The following PNN variants were observed in gnomAD, a reference collection of about 807,000 sequenced individuals.
The protein encoded by PNN is pinin.
A neutral mutation model predicts 76.6 loss-of-function variants in PNN; 38 were observed. That is an observed-to-expected ratio of 0.50 (90% CI 0.38 to 0.65). PNN has a LOEUF of 0.65. Among genes scored for constraint, PNN ranks in the 30% least tolerant of loss-of-function variants. The pLI is 0.00. For missense variants in PNN, 873 were observed against 874.1 expected (o/e 1.00, Z 0.02); for synonymous variants, 366 against 283.7 (o/e 1.29, Z -2.91).
rs1370517742 is a variant in PNN at position 39,181,740 on chromosome 14, A to T, written c.2031A>T (p.Gly677=). Residue 677 remains glycine (G), a synonymous_variant, in exon 9 of 9, where the codon GGA becomes GGT. Coordinates refer to ENST00000216832, the MANE Select transcript of PNN (RefSeq NM_002687.4). The part of the protein sequence containing the change: ...SKGGSSRDTK[G]SKDKNSRSDR... ...GTGGTAGTAGTAGAGATACAAAAGGATCAAAGGATAAGAATTCCCGGTCCG... is the reference window on the plus strand; with the variant it reads ...GTGGTAGTAGTAGAGATACAAAAGGTTCAAAGGATAAGAATTCCCGGTCCG... 2 of 1,614,186 alleles carry T rather than the reference A, an allele frequency of 1.2e-6. No individual in the cohort carries two copies. Among genetic ancestry groups the T allele is most frequent in the Admixed American group, 3.3e-5 (2 of 60,024 alleles).
Position 39,181,243 on chromosome 14 carries a change from C to T in PNN, c.1534C>T (p.Pro512Ser), listed in dbSNP as rs1339405874. Residue 512 changes from proline to serine, a missense_variant, in exon 9 of 9, where the codon CCA becomes TCA. Coordinates refer to ENST00000216832, the MANE Select transcript of PNN (RefSeq NM_002687.4). ...GGATTTGTCATTAGCTGTTTTACAGCCAACACCCCAAGTTACTCAGGAGCA... is the reference window on the plus strand; with the variant it reads ...GGATTTGTCATTAGCTGTTTTACAGTCAACACCCCAAGTTACTCAGGAGCA... ...PEDLSLAVLQ[P>S]TPQVTQEQGH... The T allele has an allele frequency of 4.3e-6, 7 of 1,613,952 alleles. No homozygotes were observed. The African/African-American group carries it at 6.7e-5, about 15-fold the overall frequency.
At chr14:39,179,013 A>G in intron 6 of PNN, 78 bp from the exon 7 acceptor site, 1 of 1,348,076 alleles carries the variant, frequency 7.4e-7, no homozygotes, top group Non-Finnish European at 1.0e-6. Flanking sequence ...TTTTATCATA[A>G]TTGAACTGAA....
intron 2 of PNN, 56 bp downstream of exon 2, chr14:39,176,205 T>G (rs1475219045): frequency 2.0e-6 from 2 of 1,016,442 alleles, no homozygotes; most frequent in Non-Finnish European, 3.1e-6. Flanking sequence ...TTACTAAATA[T>G]GTTGGTTTGA....
Position 39,181,570 on chromosome 14 carries a change from A to G in PNN, c.1861A>G (p.Ser621Gly). ...TACAAGTGGCAGCAGCAGCAGAGAT[A>G]GTAGCAGTAGCACTAGTAGTAGTAG... ...SSTSGSSSRD[S>G]SSSTSSSSES... Residue 621 changes from serine (S) to glycine (G), a missense_variant, in exon 9 of 9, where the codon AGT becomes GGT. By Grantham distance (56) the Ser-to-Gly change is moderately conservative. Coordinates refer to ENST00000216832, the MANE Select transcript of PNN (RefSeq NM_002687.4). The G allele has an allele frequency of 6.2e-7, 1 of 1,613,160 alleles. No individual in the cohort carries two copies. The highest frequency in any genetic ancestry group is 1.1e-5 in the South Asian group (1 of 91,030).
In PNN at chr14:39,181,583, CTAGTAG is replaced by C; in HGVS notation, c.1882_1887del (p.Ser628_Ser629del). On this transcript the variant is annotated inframe_deletion, in exon 9 of 9. Transcript: ENST00000216832. ...AGCAGCAGAGATAGTAGCAGTAGCA[CTAGTAG>C]TAGTAGTGAGAGTAGAAGTCGGAGT... 7 of 1,613,382 alleles carry C rather than the reference CTAGTAG, an allele frequency of 4.3e-6. No homozygotes were observed. The highest frequency in any genetic ancestry group is 1.3e-5 in the African/African-American group (1 of 74,932).
chr14:39,181,630 A>C lies in PNN; in HGVS notation c.1921A>C (p.Asn641His). 1 of 1,614,158 alleles carries C rather than the reference A, an allele frequency of 6.2e-7. No individual in the cohort carries two copies. The highest frequency in any genetic ancestry group is 8.5e-7 in the Non-Finnish European group (1 of 1,180,016). Residue 641 changes from asparagine to histidine, a missense_variant, in exon 9 of 9, where the codon AAT (asparagine) becomes CAT (histidine). Asn to His is a moderately conservative substitution (Grantham distance 68). Around this residue, in one of 3 missense-constraint regions of PNN, gnomAD observed 712 missense variants for 693.1 expected, o/e 1.03. Transcript: ENST00000216832. ...AAGTCGGAGTAGGGGCCGGGGACAT[A>C]ATAGAGATAGAAAGCACAGAAGGAG... is the stretch of plus-strand genomic sequence containing the variant. ...SRSRSRGRGH[N>H]RDRKHRRSVD...
chr14:39,181,186 G>A lies in PNN; in HGVS notation c.1477G>A (p.Val493Ile). ...TCAGCTTCAATCCCAGTCCCAACCA[G>A]TACTCCAGTCCCAGCCTCCCTCTCA... ...QLQLQSQSQPVLQSQPPSQPE... is the reference protein window; with the variant it reads ...QLQLQSQSQPILQSQPPSQPE... Residue 493 changes from valine to isoleucine, a missense_variant, in exon 9 of 9, where the codon GTA becomes ATA. Val to Ile is a conservative substitution (Grantham distance 29). Transcript: ENST00000216832. 8 of 1,609,446 alleles carry A rather than the reference G, an allele frequency of 5.0e-6. No homozygotes were observed. Among genetic ancestry groups the A allele is most frequent in the Non-Finnish European group, 6.8e-6 (8 of 1,175,806 alleles).
chr14:39,178,432 G>A (rs576833371), intron 6 of PNN, among the ~76,000 whole-genome samples: 3 of 152,126 alleles, frequency 2.0e-5, no homozygotes, highest in African/African-American at 4.8e-5. Flanking sequence ...TTTGGGAGGC[G>A]GAGGCAAGAG....
Position 39,181,465 on chromosome 14 carries a change from A to C in PNN, c.1756A>C (p.Ser586Arg), listed in dbSNP as rs755558377. ...CAGTAGCAGTAGCAGTTCTAGTAGC[A>C]GTTCAACCAGTAGCAGCAGTGGAAG... The part of the protein sequence containing the change: ...RSSSSSSSSS[S>R]STSSSSGSSS... The change falls in exon 9 of 9, where the codon AGT becomes CGT. Residue 586 changes from serine to arginine, a missense_variant. Physicochemically the swap from Ser to Arg is moderately radical, Grantham distance 110. Around this residue, in one of 3 missense-constraint regions of PNN, gnomAD observed 712 missense variants for 693.1 expected, o/e 1.03. Coordinates refer to ENST00000216832, the MANE Select transcript of PNN (RefSeq NM_002687.4). 1.2e-6 allele frequency: 2 copies of C among 1,610,708 alleles called. No homozygotes were observed. Among genetic ancestry groups the C allele is most frequent in the African/African-American group, 1.3e-5 (1 of 74,798 alleles).
In PNN at chr14:39,180,525, C is replaced by T. The variant is rs553733996; in HGVS notation, c.816C>T (p.Ile272=). The T allele has an allele frequency of 7.6e-6, 12 of 1,588,370 alleles. No individual in the cohort carries two copies. Among genetic ancestry groups the T allele is most frequent in the South Asian group, 1.2e-5 (1 of 86,406 alleles). Residue 272 remains isoleucine, a synonymous_variant, in exon 9 of 9, where the codon ATC becomes ATT. Transcript: ENST00000216832. ...KMNALFEGRR[I]EFAEQINKME... is the part of the protein sequence containing the mutation. ...TAGCTTTATTTGAAGGTAGACGCAT[C>T]GAATTTGCAGAACAAATAAATAAAA...
chr14:39,176,473 A>G, intron 2 of PNN, 54 bp from the exon 3 acceptor site: 1 of 1,311,684 alleles, frequency 7.6e-7, no homozygotes, highest in South Asian at 1.3e-5. Context: ...GTCAAATGGA[A>G]ATACCATTTA....
At chr14:39,176,480 T>G in intron 2 of PNN, 47 bp from the exon 3 acceptor site, 1 of 1,335,464 alleles carries the variant, frequency 7.5e-7, no homozygotes, top group Non-Finnish European at 1.1e-6. Context: ...GGAAATACCA[T>G]TTATCTTGTA....
rs1393708297 is a variant in PNN at position 39,181,681 on chromosome 14, T to A, written c.1972T>A (p.Ser658Thr). 1 of 1,613,940 alleles carries A rather than the reference T, an allele frequency of 6.2e-7. No individual in the cohort carries two copies. The highest frequency in any genetic ancestry group is 8.5e-7 in the Non-Finnish European group (1 of 1,179,946). ...CGTGGATCGGAAGAGAAGGGATACTTCAGGACTAGAAAGAAGTCACAAATC... is the reference window on the plus strand; with the variant it reads ...CGTGGATCGGAAGAGAAGGGATACTACAGGACTAGAAAGAAGTCACAAATC... ...RSVDRKRRDTSGLERSHKSSK... is the reference protein window; with the variant it reads ...RSVDRKRRDTTGLERSHKSSK... The change falls in exon 9 of 9, where the codon TCA (serine) becomes ACA (threonine). Residue 658 changes from serine to threonine, a missense_variant. This residue lies in a region of PNN where 712 missense variants were observed against 693.1 expected (regional missense o/e 1.03). Transcript: ENST00000216832.
rs1238980194 is a variant in PNN at position 39,176,074 on chromosome 14, A to C, written c.114-4A>C. 1 of 1,580,234 alleles carries C rather than the reference A, an allele frequency of 6.3e-7. No homozygotes were observed. Among genetic ancestry groups the C allele is most frequent in the East Asian group, 2.2e-5 (1 of 44,696 alleles). On this transcript the variant is annotated splice_region_variant and splice_polypyrimidine_tract_variant and intron_variant, in intron 1 of 8. Coordinates refer to ENST00000216832, the MANE Select transcript of PNN (RefSeq NM_002687.4). ...TTTTGCACTGATTTGTAAATCTTTT[A>C]CAGGCCCATCCAAGCCAGATTGCTG...
rs2139398669 is a variant in PNN at position 39,175,354 on chromosome 14, C to T, written c.75C>T (p.Asn25=). ...AKESLKNVDE[N]IRKLTGRDPN... is the part of the protein sequence containing the mutation. Reference sequence around the variant, plus strand: ...AGAGTCTTAAGAACGTGGATGAGAACATTCGCAAGCTCACCGGGCGGGATC... The same window carrying T: ...AGAGTCTTAAGAACGTGGATGAGAATATTCGCAAGCTCACCGGGCGGGATC... The change falls in exon 1 of 9, where the codon AAC becomes AAT. Residue 25 remains asparagine, a synonymous_variant. Transcript: ENST00000216832. 6.2e-7 allele frequency: 1 copy of T among 1,612,548 alleles called. No homozygotes were observed. The highest frequency in any genetic ancestry group is 8.5e-7 in the Non-Finnish European group (1 of 1,179,050).
chr14:39,175,796 G>C, intron 1 of PNN: 1 of 483,240 alleles, frequency 2.1e-6, no homozygotes, highest in East Asian at 4.1e-5. Flanking sequence ...TCCTGTCCAC[G>C]TGCAGCCTCC....
intron 8 of PNN, 126 bp downstream of exon 8, chr14:39,179,588 T>TA: frequency 2.6e-6 from 2 of 766,756 alleles, no homozygotes; most frequent in South Asian, 4.3e-5. Flanking sequence ...TTTTTTTTTT[T>TA]AAATAAGATA....
At chr14:39,179,512 A>G (rs201534006) in intron 8 of PNN, 50 bp downstream of exon 8, 3 of 1,438,862 alleles carry the variant, frequency 2.1e-6, no homozygotes, top group African/African-American at 1.4e-5. Context: ...GTAAGGTAAT[A>G]TGTTCATATG....
Position 39,177,693 on chromosome 14 carries a change from T to C in PNN, c.422+6T>C. The C allele has an allele frequency of 6.2e-7, 1 of 1,600,728 alleles. No homozygotes were observed. The highest frequency in any genetic ancestry group is 8.6e-7 in the Non-Finnish European group (1 of 1,167,906). On this transcript the variant is annotated splice_donor_region_variant and intron_variant, in intron 5 of 8. Coordinates refer to ENST00000216832, the MANE Select transcript of PNN (RefSeq NM_002687.4). ...GATGAAAAGGGAAAGCAAAGGTATT[T>C]CCCTGGGGGAAAAAAACTCTAGTGA...
Sources: allele counts gnomAD v4.1 joint callset (sites outside exome capture counted in the v4.1 genomes callset), GRCh38; gene constraint gnomAD v4.1.1; regional missense constraint gnomAD v4.1.1; transcripts MANE v1.5; gene names NCBI Gene and HGNC (gene_info 2026-07-23, HGNC 2026-07-21).